The following RAPGEF1 variants were observed in gnomAD, a reference collection of about 807,000 sequenced individuals.
RAPGEF1 encodes the protein CRK SH3-binding GNRP.
A neutral mutation model predicts 143.3 loss-of-function variants in RAPGEF1; 33 were observed. That is an observed-to-expected ratio of 0.23 (90% CI 0.17 to 0.31). The LOEUF (loss-of-function observed/expected upper bound fraction) is 0.31. RAPGEF1 is among the 10% of genes least tolerant of loss of function. The pLI is 1.00. For synonymous variants in RAPGEF1, 629 were observed against 676.5 expected, an observed-to-expected ratio of 0.93 and a Z score of 1.09; for missense variants, 1,199 against 1,645.4, an observed-to-expected ratio of 0.73 and a Z score of 4.69.
intron 1 of RAPGEF1, among the ~76,000 whole-genome samples, chr9:131,709,075 G>A (rs184325709): frequency 1.1e-4 from 17 of 152,256 alleles, no homozygotes; most frequent in Admixed American, 1.3e-4. Flanking sequence ...TCAGCCAGGC[G>A]CGGTGGCTCA....
At chr9:131,639,403 T>C (rs1967111569) in intron 4 of RAPGEF1, among the ~76,000 whole-genome samples, 1 of 149,914 alleles carries the variant, frequency 6.7e-6, no homozygotes, top group African/African-American at 2.5e-5. Flanking sequence ...GGGCCTGTGA[T>C]GGTGGTGGGG....
chr9:131,662,216 G>A (rs982019363), intron 1 of RAPGEF1, among the ~76,000 whole-genome samples: 2 of 152,036 alleles, frequency 1.3e-5, no homozygotes, highest in Non-Finnish European at 2.9e-5. Flanking sequence ...GTCACTTCAC[G>A]TCTGCACATA....
intron 25 of RAPGEF1, 123 bp downstream of exon 25, chr9:131,582,482 G>C: frequency 1.5e-6 from 1 of 651,674 alleles, no homozygotes; most frequent in Non-Finnish European, 2.5e-6. Flanking sequence ...GTAAAACCAA[G>C]TACAAATGTC....
At position 131,625,773 on chromosome 9, in the gene RAPGEF1, G is replaced by A; in HGVS notation, c.1702+149C>T. On this transcript the variant is annotated intron_variant, in intron 10 of 26. Transcript: ENST00000683357. ...TGATCACGTGTAATGACAAAACCTG[G>A]CTCCCAGAAGTGTCCACATACCTGG... The A allele has an allele frequency of 3.9e-6, 4 of 1,032,546 alleles. No individual in the cohort carries two copies. The South Asian group carries it at 5.5e-5, about 14-fold the overall frequency. The allele number at this position is 1,032,546 out of a possible 1,614,324, so 64.0% of individuals were successfully genotyped here. A position where few individuals can be genotyped will look rare whatever the true frequency, so the allele number is the denominator to read the frequency against.
chr9:131,642,861 G>T (rs1968429555), intron 4 of RAPGEF1, among the ~76,000 whole-genome samples: 1 of 152,224 alleles, frequency 6.6e-6, no homozygotes, highest in African/African-American at 2.4e-5. Flanking sequence ...GGAAACAGTA[G>T]CTTCCACCTG....
chr9:131,683,168 A>C (rs1174079423), intron 1 of RAPGEF1, among the ~76,000 whole-genome samples: 1 of 152,222 alleles, frequency 6.6e-6, no homozygotes, highest in Non-Finnish European at 1.5e-5. Flanking sequence ...GAACTGCTTC[A>C]AGTGGAAAAA....
intron 1 of RAPGEF1, among the ~76,000 whole-genome samples, chr9:131,698,376 T>A (rs557744350): frequency 6.6e-6 from 1 of 152,320 alleles, no homozygotes; most frequent in East Asian, 1.9e-4. Context: ...AGCTGCATGA[T>A]CTTGAGCAAG....
At chr9:131,622,134 G>A (rs1026710139) in intron 10 of RAPGEF1, 136 bp from the exon 11 acceptor site, 15 of 838,282 alleles carry the variant, frequency 1.8e-5, no homozygotes, top group Middle Eastern at 3.2e-4. Flanking sequence ...ACGGAGCACG[G>A]AGGACTTTTC....
At chr9:131,591,295 C>A (rs1256686911) in intron 18 of RAPGEF1, among the ~76,000 whole-genome samples, 1 of 152,202 alleles carries the variant, frequency 6.6e-6, no homozygotes, top group African/African-American at 2.4e-5. Flanking sequence ...CAGGAAGGAG[C>A]GGGGGCGCGG....
chr9:131,608,253 T>C (rs1317869262), intron 12 of RAPGEF1, among the ~76,000 whole-genome samples: 1 of 152,214 alleles, frequency 6.6e-6, no homozygotes, highest in African/African-American at 2.4e-5. Flanking sequence ...GCAGCAGCCG[T>C]CCTCTCCTGC....
intron 1 of RAPGEF1, among the ~76,000 whole-genome samples, chr9:131,688,912 A>C (rs1833572576): frequency 6.6e-6 from 1 of 152,224 alleles, no homozygotes; most frequent in Non-Finnish European, 1.5e-5. Flanking sequence ...TAAAAATAAA[A>C]AACAAGGAAA....
At chr9:131,589,177 TCACAAGCACCTGCC>T (rs1953739390) in intron 19 of RAPGEF1, among the ~76,000 whole-genome samples, 191 bp from the exon 20 acceptor site, 2 of 152,140 alleles carry the variant, frequency 1.3e-5, no homozygotes, top group South Asian at 4.1e-4. Flanking sequence ...GTTGGGATGG[TCACAAGCACCTGCC>T]ACACACTCAA....
chr9:131,714,190 A>T (rs2131232148), intron 1 of RAPGEF1, among the ~76,000 whole-genome samples: 1 of 152,194 alleles, frequency 6.6e-6, no homozygotes, highest in Non-Finnish European at 1.5e-5. Flanking sequence ...GGAACATGAC[A>T]TAAGCCAGAG....
At chr9:131,619,295 G>A (rs1396465279) in intron 11 of RAPGEF1, 89 bp from the exon 12 acceptor site, 12 of 1,133,744 alleles carry the variant, frequency 1.1e-5, no homozygotes, top group African/African-American at 3.2e-5. Context: ...GGCCGTGGAG[G>A]TTGCTCTCCA....
chr9:131,643,683 T>A (rs1968698618), intron 3 of RAPGEF1, among the ~76,000 whole-genome samples: 1 of 152,128 alleles, frequency 6.6e-6, no homozygotes, highest in South Asian at 2.1e-4. Context: ...GAAAACCACT[T>A]ATCCTCCTGT....
chr9:131,644,728 G>A (rs1180742648), intron 3 of RAPGEF1, among the ~76,000 whole-genome samples: 1 of 152,160 alleles, frequency 6.6e-6, no homozygotes, highest in Non-Finnish European at 1.5e-5. Context: ...ACTTTGGGAG[G>A]CCAAGGTGGG....
chr9:131,739,783 C>A lies in RAPGEF1; in HGVS notation c.48G>T (p.Lys16Asn), dbSNP rs1837637488. 1.7e-6 allele frequency: 2 copies of A among 1,175,154 alleles called. No individual in the cohort carries two copies. The highest frequency in any genetic ancestry group is 3.6e-4 in the Middle Eastern group (1 of 2,770). The allele number at this position is 1,175,154 out of a possible 1,614,324, so 72.8% of individuals were successfully genotyped here. A position where few individuals can be genotyped will look rare whatever the true frequency, so the allele number is the denominator to read the frequency against. ...CCCGCGCCTCACCTGCTTTCTCGAT[C>A]TTGCCGGACATTTCCGGGCTGCGCC... is the stretch of plus-strand genomic sequence containing the variant. Reference protein sequence around the residue: ...GLRRSPEMSGKIEKADSQRSH... With the variant: ...GLRRSPEMSGNIEKADSQRSH... Residue 16 changes from lysine to asparagine, a missense_variant, in exon 1 of 27, where the codon AAG (lysine) becomes AAT (asparagine). Physicochemically the swap from Lys to Asn is moderately conservative, Grantham distance 94. Coordinates refer to ENST00000683357, the MANE Select transcript of RAPGEF1 (RefSeq NM_001377935.1).
intron 12 of RAPGEF1, 78 bp from the exon 13 acceptor site, chr9:131,605,266 C>T (rs1340302055): frequency 8.6e-7 from 1 of 1,159,748 alleles, no homozygotes; most frequent in Non-Finnish European, 1.1e-6. Flanking sequence ...TTGGCAGTAG[C>T]TGAGCAGTGA....
intron 1 of RAPGEF1, among the ~76,000 whole-genome samples, chr9:131,666,971 G>T (rs1295524391): frequency 6.6e-6 from 1 of 152,056 alleles, no homozygotes; most frequent in Non-Finnish European, 1.5e-5. Flanking sequence ...TCTTGAAGGT[G>T]GCACTTCCTG....
Sources: gnomAD v4.1 joint callset for allele counts (sites outside exome capture counted in the v4.1 genomes callset) on GRCh38, gnomAD v4.1.1 for gene constraint, MANE v1.5 for transcripts, NCBI Gene and HGNC (gene_info 2026-07-23, HGNC 2026-07-21) for gene names.